UBAP1: variants seen among roughly 807,000 people sequenced by gnomAD.
UBAP1 encodes ubiquitin-associated protein 1.
A neutral mutation model predicts 39.0 loss-of-function variants in UBAP1; 5 were observed. The ratio of observed to expected loss-of-function variants is 0.13; its 90% CI spans 0.07 to 0.27. The LOEUF (loss-of-function observed/expected upper bound fraction) is 0.27, where lower values mean the gene tolerates loss of function less well. UBAP1 is among the 10% of genes least tolerant of loss of function. UBAP1 has a pLI of 1.00. For missense variants in UBAP1, 490 were observed against 608.1 expected, an observed-to-expected ratio of 0.81 and a Z score of 2.04; for synonymous variants, 211 against 225.1, an observed-to-expected ratio of 0.94 and a Z score of 0.56.
chr9:34,231,636 G>GC (rs796882452), intron 2 of UBAP1, among the ~76,000 whole-genome samples: 4 of 143,788 alleles, frequency 2.8e-5, no homozygotes, highest in African/African-American at 1.0e-4. Flanking sequence ...AAATTTTTTT[G>GC]TTTTTTTTTT....
chr9:34,208,376 C>T (rs1309431839), intron 1 of UBAP1, among the ~76,000 whole-genome samples: 2 of 152,208 alleles, frequency 1.3e-5, no homozygotes, highest in Admixed American at 1.3e-4. Context: ...GGCACAGTGG[C>T]TTATGCCTGT....
At chr9:34,188,937 A>T (rs1054392528) in intron 1 of UBAP1, among the ~76,000 whole-genome samples, 4 of 152,180 alleles carry the variant, frequency 2.6e-5, no homozygotes, top group Non-Finnish European at 5.9e-5. Context: ...AGCCTGGCCG[A>T]CAAGAGTGAA....
At chr9:34,226,806 T>C (rs1833132656) in intron 2 of UBAP1, among the ~76,000 whole-genome samples, 10 of 152,186 alleles carry the variant, frequency 6.6e-5, no homozygotes, top group Admixed American at 6.5e-4. Flanking sequence ...CTTATGCTGA[T>C]TATTGTCTTC....
chr9:34,184,464 T>C (rs1830269344), intron 1 of UBAP1, among the ~76,000 whole-genome samples: 1 of 150,420 alleles, frequency 6.6e-6, no homozygotes, highest in Admixed American at 6.6e-5. Flanking sequence ...ACCCTGTCTC[T>C]ACTAAAAATA....
chr9:34,203,470 C>T (rs117692100), intron 1 of UBAP1, among the ~76,000 whole-genome samples: 7 of 152,202 alleles, frequency 4.6e-5, no homozygotes, highest in African/African-American at 7.2e-5. Flanking sequence ...CTACTGTGGC[C>T]GGGCACTATG....
At chr9:34,248,354 T>C (rs973764697) in intron 4 of UBAP1, among the ~76,000 whole-genome samples, 1 of 152,156 alleles carries the variant, frequency 6.6e-6, no homozygotes, top group African/African-American at 2.4e-5. Flanking sequence ...TTATTAACAT[T>C]TGTAATGTGC....
Position 34,241,612 on chromosome 9 carries a change from T to C in UBAP1, c.587T>C (p.Leu196Ser), listed in dbSNP as rs1833958835. The change falls in exon 4 of 7, where the codon TTG becomes TCG. Residue 196 changes from leucine to serine, a missense_variant. Leu to Ser is a moderately radical substitution (Grantham distance 145, BLOSUM62 -2). Around this residue, in one of 3 missense-constraint regions of UBAP1, gnomAD observed 339 missense variants for 390.0 expected, o/e 0.87. Transcript: ENST00000297661. ...ACTGGACCCATTATGGCTCAGTTAT[T>C]GGACAATAACTTGCCCAGGGGAGGC... is the stretch of plus-strand genomic sequence containing the variant. ...GTTGPIMAQL[L>S]DNNLPRGGSG... is the part of the protein sequence containing the mutation. 1 of 1,614,038 alleles carries C rather than the reference T, an allele frequency of 6.2e-7. No homozygotes were observed. The highest frequency in any genetic ancestry group is 1.3e-5 in the African/African-American group (1 of 74,906).
chr9:34,250,823 T>G, intron 6 of UBAP1, 64 bp downstream of exon 6: 1 of 1,417,944 alleles, frequency 7.1e-7, no homozygotes, highest in Non-Finnish European at 9.9e-7. Flanking sequence ...CCATCCTGGT[T>G]TTCTCCCTTG....
chr9:34,247,983 A>G (rs765023849), intron 4 of UBAP1, among the ~76,000 whole-genome samples: 1 of 152,186 alleles, frequency 6.6e-6, no homozygotes, highest in African/African-American at 2.4e-5. Context: ...AGCATACCAA[A>G]TAACATTTCC....
chr9:34,180,205 G>A (rs1829936534), intron 1 of UBAP1, among the ~76,000 whole-genome samples: 1 of 152,136 alleles, frequency 6.6e-6, no homozygotes, highest in Non-Finnish European at 1.5e-5. Context: ...TCTAGTTAAT[G>A]TCCCAACCTA....
chr9:34,192,486 G>A (rs1440783745), intron 1 of UBAP1, among the ~76,000 whole-genome samples: 1 of 132,730 alleles, frequency 7.5e-6, no homozygotes, highest in Non-Finnish European at 1.5e-5. Flanking sequence ...CTGCACTCTA[G>A]CCTGGGTGGA....
At chr9:34,190,217 A>G (rs956755642) in intron 1 of UBAP1, among the ~76,000 whole-genome samples, 1 of 152,202 alleles carries the variant, frequency 6.6e-6, no homozygotes, top group Non-Finnish European at 1.5e-5. Flanking sequence ...TTAAACAAAA[A>G]TCACGGAAGG....
intron 5 of UBAP1, 55 bp from the exon 6 acceptor site, chr9:34,250,603 G>A: frequency 3.4e-6 from 5 of 1,459,518 alleles, no homozygotes; most frequent in South Asian, 1.2e-5. Context: ...GAGGTCTCTT[G>A]GAAAGCACAG....
chr9:34,207,005 G>A (rs1255571416), intron 1 of UBAP1, among the ~76,000 whole-genome samples: 1 of 149,816 alleles, frequency 6.7e-6, no homozygotes, highest in Non-Finnish European at 1.5e-5. Flanking sequence ...CATTTTCTTC[G>A]GAGATTTTTT....
chr9:34,180,631 C>T (rs1829964538), intron 1 of UBAP1, among the ~76,000 whole-genome samples: 1 of 151,744 alleles, frequency 6.6e-6, no homozygotes. Flanking sequence ...GTTTCTAGTT[C>T]TATTAATTCA....
At chr9:34,192,199 G>GA (rs1830765764) in intron 1 of UBAP1, among the ~76,000 whole-genome samples, 2 of 151,558 alleles carry the variant, frequency 1.3e-5, no homozygotes, top group Non-Finnish European at 2.9e-5. Flanking sequence ...TGTAATGGCA[G>GA]AACTGTGGAC....
At chr9:34,228,980 A>C (rs1004079639) in intron 2 of UBAP1, among the ~76,000 whole-genome samples, 1 of 152,138 alleles carries the variant, frequency 6.6e-6, no homozygotes, top group African/African-American at 2.4e-5. Flanking sequence ...TAAAGCTTTT[A>C]AAGTACGAAG....
At chr9:34,213,184 A>C (rs1832110924) in intron 1 of UBAP1, among the ~76,000 whole-genome samples, 1 of 152,196 alleles carries the variant, frequency 6.6e-6, no homozygotes, top group East Asian at 1.9e-4. Flanking sequence ...CAAAATCAGC[A>C]TACGAGGGAC....
intron 1 of UBAP1, among the ~76,000 whole-genome samples, chr9:34,182,700 C>G (rs889602835): frequency 2.2e-5 from 2 of 91,384 alleles, no homozygotes; most frequent in African/African-American, 8.5e-5. Context: ...TCTTTCTTTT[C>G]TTTTCTTTCT....
Sources: gnomAD v4.1 joint callset for allele counts (sites outside exome capture counted in the v4.1 genomes callset) on GRCh38, gnomAD v4.1.1 for gene constraint, gnomAD v4.1.1 regional missense constraint, MANE v1.5 for transcripts, NCBI Gene and HGNC (gene_info 2026-07-23, HGNC 2026-07-21) for gene names.